The following FOXO1 variants were observed in gnomAD, a reference collection of about 807,000 sequenced individuals.
FOXO1 encodes the protein forkhead box protein O1.
Under a neutral mutation model 44.1 loss-of-function variants are expected in FOXO1, and 6 were observed. The ratio of observed to expected loss-of-function variants is 0.14; its 90% CI spans 0.07 to 0.27. The LOEUF (loss-of-function observed/expected upper bound fraction) is 0.27. Ranked by LOEUF, FOXO1 falls within the 10% of genes least tolerant of loss-of-function variation. FOXO1 has a pLI of 1.00. For missense variants in FOXO1, 737 were observed against 888.8 expected, an observed-to-expected ratio of 0.83 and a Z score of 2.17; for synonymous variants, 380 against 362.7, an observed-to-expected ratio of 1.05 and a Z score of -0.54.
At chr13:40,569,433 C>T (rs769773740) in intron 1 of FOXO1, among the ~76,000 whole-genome samples, 57 of 152,144 alleles carry the variant, frequency 3.7e-4, no homozygotes, top group Non-Finnish European at 7.1e-4. Flanking sequence ...TAAACACTGG[C>T]TATTTTGTTT....
At chr13:40,634,897 C>T (rs1179501485) in intron 1 of FOXO1, among the ~76,000 whole-genome samples, 1 of 152,028 alleles carries the variant, frequency 6.6e-6, no homozygotes, top group African/African-American at 2.4e-5. Flanking sequence ...AGGCTGGTCT[C>T]GAACTCCTGA....
chr13:40,607,952 T>C (rs1202442663), intron 1 of FOXO1, among the ~76,000 whole-genome samples: 1 of 152,234 alleles, frequency 6.6e-6, no homozygotes, highest in African/African-American at 2.4e-5. Flanking sequence ...CTCTTAAGTC[T>C]TACCTCAATT....
At chr13:40,664,573 C>T (rs74372760) in intron 1 of FOXO1, among the ~76,000 whole-genome samples, 6 of 152,146 alleles carry the variant, frequency 3.9e-5, no homozygotes, top group Admixed American at 6.5e-5. Flanking sequence ...GTCGCAAAGC[C>T]CCCCCGCCTG....
At chr13:40,648,289 A>C (rs1027525163) in intron 1 of FOXO1, among the ~76,000 whole-genome samples, 13 of 152,336 alleles carry the variant, frequency 8.5e-5, no homozygotes, top group Middle Eastern at 3.4e-3. Context: ...ACACCGGCTA[A>C]GAGTTCCCTT....
intron 1 of FOXO1, among the ~76,000 whole-genome samples, chr13:40,602,366 C>T (rs1289942318): frequency 6.6e-6 from 1 of 152,082 alleles, no homozygotes; most frequent in African/African-American, 2.4e-5. Context: ...TAACTAAAAG[C>T]TTTCAAAGAA....
chr13:40,605,978 G>T (rs967634142), intron 1 of FOXO1, among the ~76,000 whole-genome samples: 3 of 151,476 alleles, frequency 2.0e-5, no homozygotes, highest in South Asian at 2.1e-4. Flanking sequence ...AACTAATCTG[G>T]GATGACAAAA....
At chr13:40,652,443 G>T (rs1877716844) in intron 1 of FOXO1, among the ~76,000 whole-genome samples, 1 of 152,070 alleles carries the variant, frequency 6.6e-6, no homozygotes, top group Non-Finnish European at 1.5e-5. Context: ...TCGCCATGTG[G>T]CCCAGGCTGG....
chr13:40,600,125 C>T (rs1247810789), intron 1 of FOXO1, among the ~76,000 whole-genome samples: 2 of 152,186 alleles, frequency 1.3e-5, no homozygotes, highest in African/African-American at 4.8e-5. Flanking sequence ...ATGGTAAGTG[C>T]TATTCAAAAC....
intron 1 of FOXO1, among the ~76,000 whole-genome samples, chr13:40,656,282 G>A (rs1239611362): frequency 6.6e-6 from 1 of 152,186 alleles, no homozygotes; most frequent in Non-Finnish European, 1.5e-5. Context: ...TATTAGAACT[G>A]ACATTTACAT....
At chr13:40,591,798 T>C (rs949029920) in intron 1 of FOXO1, among the ~76,000 whole-genome samples, 2 of 152,076 alleles carry the variant, frequency 1.3e-5, no homozygotes, top group African/African-American at 4.8e-5. Context: ...ACCTCCCAGG[T>C]CCAAGCAATT....
intron 1 of FOXO1, among the ~76,000 whole-genome samples, chr13:40,599,213 C>T (rs1875720449): frequency 2.1e-5 from 3 of 144,574 alleles, no homozygotes; most frequent in South Asian, 2.2e-4. Context: ...GTGAAAAACA[C>T]GCTGAAAAAA....
At chr13:40,648,976 G>T (rs1234731000) in intron 1 of FOXO1, among the ~76,000 whole-genome samples, 1 of 152,234 alleles carries the variant, frequency 6.6e-6, no homozygotes, top group South Asian at 2.1e-4. Context: ...AGGTCTGCGG[G>T]AAAGTGGCTG....
intron 2 of FOXO1, 31 bp from the exon 3 acceptor site, chr13:40,559,065 A>T (rs1873874671): frequency 2.5e-6 from 1 of 401,462 alleles, no homozygotes; most frequent in Non-Finnish European, 4.4e-6. Flanking sequence ...ACGCACACAC[A>T]CATACACACA....
chr13:40,566,434 A>G (rs2137831181), intron 1 of FOXO1, among the ~76,000 whole-genome samples: 1 of 150,828 alleles, frequency 6.6e-6, no homozygotes, highest in East Asian at 2.0e-4. Context: ...GCTGGAGTGC[A>G]GTGGCTTGAT....
chr13:40,655,954 G>C (rs962756007), intron 1 of FOXO1, among the ~76,000 whole-genome samples: 6 of 152,102 alleles, frequency 3.9e-5, no homozygotes, highest in African/African-American at 1.4e-4. Context: ...CTCAACACTT[G>C]CCATTTCTAA....
intron 1 of FOXO1, chr13:40,619,256 T>C: frequency 1.3e-5 from 5 of 383,266 alleles, no homozygotes; most frequent in South Asian, 1.1e-4. Context: ...ATCATGCCAT[T>C]GCACTCCAGC....
Position 40,653,557 on chromosome 13 carries a change from T to C in FOXO1, c.630+12026A>G, listed in dbSNP as rs1321426229. ...GCTAACTCTTCAGAATACCAAACCA[T>C]TGAAGAAATCTTTATCTTCCCACAT... On this transcript the variant is annotated intron_variant, in intron 1 of 2. Transcript: ENST00000379561. Among the ~76,000 whole-genome samples, 9 of 152,316 alleles carry C rather than the reference T, an allele frequency of 5.9e-5. No individual in the cohort carries two copies. The South Asian group carries it at 1.0e-3, about 18-fold the overall frequency.
chr13:40,657,698 T>G (rs1877901575), intron 1 of FOXO1, among the ~76,000 whole-genome samples: 1 of 152,202 alleles, frequency 6.6e-6, no homozygotes, highest in Non-Finnish European at 1.5e-5. Context: ...TCTAAGACAC[T>G]TAACTCTTCC....
intron 1 of FOXO1, among the ~76,000 whole-genome samples, chr13:40,577,926 G>C (rs560962384): frequency 1.8e-4 from 27 of 152,168 alleles, no homozygotes; most frequent in African/African-American, 6.5e-4. Context: ...TATCCTTTCT[G>C]CTTGGCTGGA....
Sources: allele counts gnomAD v4.1 joint callset (sites outside exome capture counted in the v4.1 genomes callset), GRCh38; gene constraint gnomAD v4.1.1; transcripts MANE v1.5; gene names NCBI Gene and HGNC (gene_info 2026-07-23, HGNC 2026-07-21).